MINK1: variants seen among roughly 807,000 people sequenced by gnomAD.
The protein encoded by MINK1 is misshapen like kinase 1.
In MINK1, 46 loss-of-function variants were observed where a neutral mutation model predicts 178.4. The ratio of observed to expected loss-of-function variants is 0.26; its 90% confidence interval spans 0.20 to 0.33. MINK1 has a LOEUF of 0.33. Ranked by LOEUF, MINK1 falls within the 10% of genes least tolerant of loss-of-function variation. The pLI is 1.00. For synonymous variants in MINK1, 797 were observed against 709.7 expected, an observed-to-expected ratio of 1.12 and a Z score of -1.96; for missense variants, 1,366 against 1,814.9, an observed-to-expected ratio of 0.75 and a Z score of 4.49.
chr17:4,859,299 A>T, intron 1 of MINK1: 1 of 985,416 alleles, frequency 1.0e-6, no homozygotes, highest in Non-Finnish European at 1.2e-6. Context: ...ACCGAAATTC[A>T]AGAATTATGA....
In MINK1 at chr17:4,897,362, CTT is replaced by C. The variant is rs1172817042; in HGVS notation, c.*77_*78del. The stretch of plus-strand genomic sequence containing the variant: ...CAGCCAGGCTTCCCGGGCCGCCCCT[CTT>C]TCCCCTCCCTGGGCTTTTGCTTTTA... On this transcript the variant is annotated 3_prime_UTR_variant, in exon 32 of 32. Coordinates refer to ENST00000355280, the MANE Select transcript of MINK1 (RefSeq NM_153827.5). 4 of 1,384,842 alleles carry C rather than the reference CTT, an allele frequency of 2.9e-6. No homozygotes were observed. The highest frequency in any genetic ancestry group is 4.1e-6 in the Non-Finnish European group (4 of 982,480). The allele number at this position is 1,384,842 out of a possible 1,614,324, so 85.8% of individuals were successfully genotyped here.
In MINK1 at chr17:4,894,103, C is replaced by A. The variant is rs758602499; in HGVS notation, c.2670+10C>A. 6.3e-7 allele frequency: 1 copy of A among 1,599,110 alleles called. No individual in the cohort carries two copies. The highest frequency in any genetic ancestry group is 8.5e-7 in the Non-Finnish European group (1 of 1,171,210). On this transcript the variant is annotated intron_variant, in intron 22 of 31. Transcript: ENST00000355280. The surrounding 1 kb of genome is among the most constrained non-coding windows in gnomAD (Gnocchi z 4.1). Reference sequence around the variant, plus strand: ...CATGGTGGTCCAGCGCGTGAGTGAGCCTCTGCTCCCTCCCCTGTACCTGTG... The same window carrying A: ...CATGGTGGTCCAGCGCGTGAGTGAGACTCTGCTCCCTCCCCTGTACCTGTG...
intron 31 of MINK1, 67 bp from the exon 32 acceptor site, chr17:4,897,129 CCCTTCTTT>C (rs146436244): frequency 0.039 from 50,276 of 1,279,640 alleles, 1,129 homozygotes; most frequent in Middle Eastern, 0.071. Context: ...ACCCCTTCTT[CCCTTCTTT>C]CCCTCTCCCA....
chr17:4,865,704 G>T (rs1416565369), intron 1 of MINK1, among the ~76,000 whole-genome samples: 1 of 139,106 alleles, frequency 7.2e-6, no homozygotes, highest in African/African-American at 2.8e-5. Flanking sequence ...TCAACACAGG[G>T]AGACCCGTCT....
chr17:4,875,448 C>T (rs1967094936), intron 1 of MINK1: 2 of 453,344 alleles, frequency 4.4e-6, no homozygotes, highest in African/African-American at 4.0e-5. Context: ...GCACTCCCAC[C>T]TGGGCAACAG....
At chr17:4,870,781 C>T (rs1034705461) in intron 1 of MINK1, among the ~76,000 whole-genome samples, 3 of 152,264 alleles carry the variant, frequency 2.0e-5, no homozygotes, top group African/African-American at 7.2e-5. Flanking sequence ...GCTGAGATTA[C>T]ACTACTGCAC....
At chr17:4,889,112 T>TTGG (rs766550495) in intron 12 of MINK1, among the ~76,000 whole-genome samples, 9 of 152,140 alleles carry the variant, frequency 5.9e-5, no homozygotes, top group Non-Finnish European at 1.0e-4. Flanking sequence ...TGTGCTTTTG[T>TTGG]TGGTGGTGGT....
intron 1 of MINK1, among the ~76,000 whole-genome samples, chr17:4,835,188 G>A (rs981280982): frequency 6.6e-6 from 1 of 152,142 alleles, no homozygotes; most frequent in African/African-American, 2.4e-5. Flanking sequence ...TGCCCAAGTC[G>A]GGATATAAGA....
At chr17:4,844,712 A>G (rs761741509) in intron 1 of MINK1, 21 of 337,330 alleles carry the variant, frequency 6.2e-5, no homozygotes, top group Middle Eastern at 9.5e-4. Flanking sequence ...GATGAAGAGG[A>G]CATGCAGAAG....
Position 4,895,581 on chromosome 17 carries a change from GA to G in MINK1, c.3229+90del. The stretch of plus-strand genomic sequence containing the variant: ...CTGCCTGGGAGGAGGGCAGGCACTG[GA>G]AGGTGGGGCCACACTTTCTCACCCC... On this transcript the variant is annotated intron_variant, in intron 26 of 31. Transcript: ENST00000355280. The surrounding 1 kb of genome is among the most constrained non-coding windows in gnomAD (Gnocchi z 4.3). 1.3e-6 allele frequency: 2 copies of G among 1,547,158 alleles called. No individual in the cohort carries two copies. Among genetic ancestry groups the G allele is most frequent in the South Asian group, 2.5e-5 (2 of 80,950 alleles).
intron 1 of MINK1, chr17:4,859,432 C>A: frequency 1.8e-6 from 1 of 567,956 alleles, no homozygotes; most frequent in Non-Finnish European, 2.2e-6. Flanking sequence ...TAATTCTGTT[C>A]TCTCTGTGTT....
chr17:4,833,743 C>T lies in MINK1; in HGVS notation c.57+103C>T, dbSNP rs1908840990. ...ACGTGCTCCCGGGCGCCCCCTCCACCAGCTTGGGTCCCCTTGGCGACCCGT... is the reference window on the plus strand; with the variant it reads ...ACGTGCTCCCGGGCGCCCCCTCCACTAGCTTGGGTCCCCTTGGCGACCCGT... On this transcript the variant is annotated intron_variant, in intron 1 of 31. Coordinates refer to ENST00000355280, the MANE Select transcript of MINK1 (RefSeq NM_153827.5). This position sits in a 1 kb window ranked among gnomAD's most constrained non-coding sequence, Gnocchi z 4.8. 3.0e-5 allele frequency: 30 copies of T among 991,450 alleles called. No individual in the cohort carries two copies. The South Asian group carries it at 4.0e-4, about 13-fold the overall frequency. The allele number at this position is 991,450 out of a possible 1,614,324, so 61.4% of individuals were successfully genotyped here. A position where few individuals can be genotyped will look rare whatever the true frequency, so the allele number is the denominator to read the frequency against.
intron 1 of MINK1, among the ~76,000 whole-genome samples, chr17:4,837,481 G>A (rs1183915338): frequency 1.3e-5 from 2 of 152,176 alleles, no homozygotes; most frequent in Admixed American, 6.5e-5. Context: ...CCTTGTCTGG[G>A]GTAAACAGTT....
chr17:4,888,858 C>T (rs1277959977), intron 12 of MINK1, among the ~76,000 whole-genome samples: 5 of 151,782 alleles, frequency 3.3e-5, no homozygotes, highest in Non-Finnish European at 4.4e-5. Context: ...CCACCACGCC[C>T]GGCTAATTTT....
At chr17:4,844,856 T>G (rs1910780244) in intron 1 of MINK1, among the ~76,000 whole-genome samples, 2 of 152,188 alleles carry the variant, frequency 1.3e-5, no homozygotes, top group African/African-American at 4.8e-5. Flanking sequence ...TTAATGTGAT[T>G]AAGTATATGT....
At chr17:4,876,075 G>A (rs561028880) in intron 1 of MINK1, among the ~76,000 whole-genome samples, 3 of 152,124 alleles carry the variant, frequency 2.0e-5, no homozygotes, top group South Asian at 4.2e-4. Context: ...GATTACAGGC[G>A]TGAGCCACCG....
intron 1 of MINK1, chr17:4,875,570 T>G (rs1000406755): frequency 4.5e-6 from 2 of 441,128 alleles, no homozygotes; most frequent in African/African-American, 4.0e-5. Flanking sequence ...GTCAAGAGTT[T>G]GAGACCAGTC....
chr17:4,893,030 A>G lies in MINK1; in HGVS notation c.2363A>G (p.Lys788Arg). 1 of 1,578,014 alleles carries G rather than the reference A, an allele frequency of 6.3e-7. No homozygotes were observed. The highest frequency in any genetic ancestry group is 8.6e-7 in the Non-Finnish European group (1 of 1,164,206). Residue 788 changes from lysine (K) to arginine (R), a missense_variant, in exon 20 of 32, where the codon AAG becomes AGG. By Grantham distance (26) the Lys-to-Arg change is conservative (BLOSUM62 2). This residue lies in a region of MINK1 where 709 missense variants were observed against 692.3 expected (regional missense o/e 1.02). Coordinates refer to ENST00000355280, the MANE Select transcript of MINK1 (RefSeq NM_153827.5). ...GTGCTCTCCCCTGGGAATAAAGCCAAGCCCGACGACCACCGCTCACGGCCA... is the reference window on the plus strand; with the variant it reads ...GTGCTCTCCCCTGGGAATAAAGCCAGGCCCGACGACCACCGCTCACGGCCA... The part of the protein sequence containing the change: ...SPVLSPGNKA[K>R]PDDHRSRPGR...
chr17:4,881,538 G>A (rs188969565), intron 4 of MINK1, among the ~76,000 whole-genome samples: 3 of 152,306 alleles, frequency 2.0e-5, no homozygotes, highest in East Asian at 1.9e-4. Flanking sequence ...CACACTGTGC[G>A]ATCGGCTCTT....
Sources: allele counts gnomAD v4.1 joint callset (sites outside exome capture counted in the v4.1 genomes callset), GRCh38; gene constraint gnomAD v4.1.1; regional missense constraint gnomAD v4.1.1; non-coding constraint Gnocchi (gnomAD v3.1); transcripts MANE v1.5; gene names NCBI Gene and HGNC (gene_info 2026-07-23, HGNC 2026-07-21).